The following NFX1 variants were observed in gnomAD, a reference collection of about 807,000 sequenced individuals.
The protein encoded by NFX1 is transcriptional repressor NF-X1.
Under a neutral mutation model 137.2 loss-of-function variants are expected in NFX1, and 69 were observed. That is an observed-to-expected ratio of 0.50 (90% CI 0.41 to 0.61). The LOEUF (loss-of-function observed/expected upper bound fraction) is 0.61, where lower values mean the gene tolerates loss of function less well. Among genes scored for constraint, NFX1 ranks in the 20% least tolerant of loss-of-function variants. NFX1 has a pLI of 0.00. For missense variants in NFX1, 1,167 were observed against 1,391.0 expected (o/e 0.84, Z 2.56); for synonymous variants, 495 against 474.1 (o/e 1.04, Z -0.57).
chr9:33,363,173 AGT>A (rs1824058136), intron 19 of NFX1, among the ~76,000 whole-genome samples: 1 of 151,994 alleles, frequency 6.6e-6, no homozygotes, highest in African/African-American at 2.4e-5. Flanking sequence ...TATACAACAT[AGT>A]ATATATGTAC....
chr9:33,368,094 G>T (rs1346798843), intron 23 of NFX1, among the ~76,000 whole-genome samples: 1 of 152,174 alleles, frequency 6.6e-6, no homozygotes, highest in African/African-American at 2.4e-5. Flanking sequence ...AAGTAGCCGG[G>T]TGTGGTGGCG....
At chr9:33,366,795 G>A in intron 22 of NFX1, 21 bp downstream of exon 22, 1 of 1,610,248 alleles carries the variant, frequency 6.2e-7, no homozygotes, top group Non-Finnish European at 8.5e-7. Flanking sequence ...CCCGCCGTCA[G>A]AGGAAGAACT....
rs1419309109 is a variant in NFX1 at position 33,323,768 on chromosome 9, C to CA, written c.1906+4650dup. 2.1e-3 allele frequency among the ~76,000 whole-genome samples: 308 copies of CA among 145,212 alleles called. 4 individuals are homozygous for CA. Among genetic ancestry groups the CA allele is most frequent in the East Asian group, 0.019 (95 of 5,008 alleles). On this transcript the variant is annotated intron_variant, in intron 9 of 23. Transcript: ENST00000379540. ...ACTTCATCTCAAAAAAAAAAACAAA[C>CA]AAAAAAAAACAAATAAATAAATATC...
At chr9:33,344,729 G>A (rs1372998575) in intron 14 of NFX1, among the ~76,000 whole-genome samples, 1 of 152,044 alleles carries the variant, frequency 6.6e-6, no homozygotes, top group Non-Finnish European at 1.5e-5. Context: ...AGCTGGGCAT[G>A]GTGGTGCACG....
In NFX1 at chr9:33,356,551, A is replaced by G. The variant is rs562279165; in HGVS notation, c.2873+1659A>G. 2.0e-5 allele frequency among the ~76,000 whole-genome samples: 3 copies of G among 152,132 alleles called. 1 individual carries two copies. Among genetic ancestry groups the G allele is most frequent in the African/African-American group, 7.2e-5 (3 of 41,494 alleles). On this transcript the variant is annotated intron_variant, in intron 19 of 23. Coordinates refer to ENST00000379540, the MANE Select transcript of NFX1 (RefSeq NM_002504.6). Reference sequence around the variant, plus strand: ...TTGAGTTTCTTAATAAGCACTTTTCATGTCCTATTTAGAAAAATTTGTCTA... The same window carrying G: ...TTGAGTTTCTTAATAAGCACTTTTCGTGTCCTATTTAGAAAAATTTGTCTA...
intron 1 of NFX1, among the ~76,000 whole-genome samples, chr9:33,290,962 T>C (rs937166769): frequency 1.3e-5 from 2 of 152,012 alleles, no homozygotes; most frequent in Non-Finnish European, 2.9e-5. Flanking sequence ...GTGTAGGGTG[T>C]GGTGTGCTCA....
At chr9:33,344,426 C>A (rs1445531654) in intron 14 of NFX1, among the ~76,000 whole-genome samples, 1 of 152,230 alleles carries the variant, frequency 6.6e-6, no homozygotes, top group Non-Finnish European at 1.5e-5. Flanking sequence ...GAAGACTCCC[C>A]AGCTGATCTT....
chr9:33,350,562 TCTG>T (rs1389002101), intron 15 of NFX1, among the ~76,000 whole-genome samples: 1 of 152,236 alleles, frequency 6.6e-6, no homozygotes, highest in African/African-American at 2.4e-5. Flanking sequence ...ATTTTTGGCT[TCTG>T]CTGCAAATCC....
chr9:33,313,620 A>C lies in NFX1; in HGVS notation c.1449-34A>C, dbSNP rs771563414. 1.2e-5 allele frequency: 19 copies of C among 1,608,394 alleles called. No individual in the cohort carries two copies. In the South Asian group the frequency reaches 2.1e-4, roughly 18 times the overall value. On this transcript the variant is annotated intron_variant, in intron 6 of 23. Coordinates refer to ENST00000379540, the MANE Select transcript of NFX1 (RefSeq NM_002504.6). ...TTGGTTGTCCAACAGGAACTTTTACACTGATGCTGTCTTTACATCTATTGT... is the reference window on the plus strand; with the variant it reads ...TTGGTTGTCCAACAGGAACTTTTACCCTGATGCTGTCTTTACATCTATTGT...
chr9:33,368,789 A>C (rs576573860), intron 23 of NFX1, among the ~76,000 whole-genome samples: 55 of 152,326 alleles, frequency 3.6e-4, no homozygotes, highest in African/African-American at 1.3e-3. Context: ...TGAAGGTCAC[A>C]GCACTTAGTG....
intron 9 of NFX1, among the ~76,000 whole-genome samples, chr9:33,320,543 C>G (rs1822347522): frequency 1.3e-5 from 2 of 152,062 alleles, no homozygotes; most frequent in South Asian, 4.1e-4. Context: ...TAGTAATTCC[C>G]CCTTTCTTCT....
chr9:33,369,877 A>G (rs1466327849), intron 23 of NFX1, 29 bp from the exon 24 acceptor site: 1 of 1,558,034 alleles, frequency 6.4e-7, no homozygotes, highest in South Asian at 1.1e-5. Flanking sequence ...AAAGAAGAAA[A>G]GACTGATCAT....
At chr9:33,308,206 C>T (rs1236237607) in intron 5 of NFX1, among the ~76,000 whole-genome samples, 1 of 152,138 alleles carries the variant, frequency 6.6e-6, no homozygotes, top group Non-Finnish European at 1.5e-5. Context: ...CGTTGGGAAG[C>T]CAAGGCAGGA....
At chr9:33,333,468 A>G (rs1665669102) in intron 11 of NFX1, among the ~76,000 whole-genome samples, 1 of 152,196 alleles carries the variant, frequency 6.6e-6, no homozygotes, top group African/African-American at 2.4e-5. Context: ...TGGGTATGTT[A>G]GCTGCTGCAG....
intron 19 of NFX1, among the ~76,000 whole-genome samples, chr9:33,356,921 G>T (rs1185763480): frequency 1.3e-5 from 2 of 151,494 alleles, no homozygotes; most frequent in Non-Finnish European, 2.9e-5. Context: ...GAACCTGCGA[G>T]GTTGAGGCTA....
At chr9:33,326,512 A>G (rs1822595936) in intron 9 of NFX1, among the ~76,000 whole-genome samples, 1 of 151,106 alleles carries the variant, frequency 6.6e-6, no homozygotes, top group Admixed American at 6.6e-5. Context: ...TGAGGCTAGG[A>G]GTTCAAGGCC....
chr9:33,295,274 A>G lies in NFX1; in HGVS notation c.880A>G (p.Thr294Ala). The G allele has an allele frequency of 1.9e-6, 3 of 1,614,066 alleles. No homozygotes were observed. The highest frequency in any genetic ancestry group is 1.1e-5 in the South Asian group (1 of 91,068). ...CCTCAATGAAAGACCAGCAAAATCT[A>G]CCTGTGACAGTGAGAACTTGGCAGT... ...DDLNERPAKS[T>A]CDSENLAVIN... Residue 294 changes from threonine to alanine, a missense_variant, in exon 2 of 24, where the codon ACC becomes GCC. Thr to Ala is a moderately conservative substitution (Grantham distance 58, BLOSUM62 0). Transcript: ENST00000379540.
intron 6 of NFX1, among the ~76,000 whole-genome samples, chr9:33,312,316 T>C (rs1228890247): frequency 6.6e-6 from 1 of 152,214 alleles, no homozygotes; most frequent in African/African-American, 2.4e-5. Flanking sequence ...TCATTTTTCT[T>C]ATAAAGTAGA....
chr9:33,354,732 G>A (rs566758783), intron 18 of NFX1, 119 bp from the exon 19 acceptor site: 10 of 878,850 alleles, frequency 1.1e-5, no homozygotes, highest in East Asian at 2.9e-5. Flanking sequence ...TGGCCTGAGG[G>A]ATTGTTTTTT....
Sources: gnomAD v4.1 joint callset for allele counts (sites outside exome capture counted in the v4.1 genomes callset) on GRCh38, gnomAD v4.1.1 for gene constraint, MANE v1.5 for transcripts, NCBI Gene and HGNC (gene_info 2026-07-23, HGNC 2026-07-21) for gene names.